NALCN: variants seen among roughly 807,000 people sequenced by gnomAD.
The protein encoded by NALCN is sodium leak channel NALCN.
Under a neutral mutation model 225.3 loss-of-function variants are expected in NALCN, and 111 were observed. The ratio of observed to expected loss-of-function variants is 0.49; its 90% CI spans 0.42 to 0.58. The LOEUF (loss-of-function observed/expected upper bound fraction) is 0.58. Among genes scored for constraint, NALCN ranks in the 20% least tolerant of loss-of-function variants. NALCN has a pLI of 0.00. For synonymous variants in NALCN, 764 were observed against 769.0 expected (o/e 0.99, Z 0.11); for missense variants, 1,378 against 2,202.4 (o/e 0.63, Z 7.49).
chr13:101,367,784 T>C (rs1052241976), intron 6 of NALCN, among the ~76,000 whole-genome samples: 1 of 152,066 alleles, frequency 6.6e-6, no homozygotes, highest in African/African-American at 2.4e-5. Flanking sequence ...TCTTTATATG[T>C]AAAAACAATA....
rs182554466 is a variant in NALCN at position 101,416,052 on chromosome 13, G to A, written c.-40+261C>T. ...ACCCACGCGCAGGAATAGGGAGGGC[G>A]CATCGCGGCTCCCGCGCCCCGGCCA... On this transcript the variant is annotated intron_variant, in intron 1 of 43. Transcript: ENST00000251127. Among the ~76,000 whole-genome samples, 533 of 152,064 alleles carry A rather than the reference G, an allele frequency of 3.5e-3. 3 individuals carry two copies. The highest frequency in any genetic ancestry group is 5.5e-3 in the Non-Finnish European group (375 of 67,932).
chr13:101,280,668 A>AT (rs912851002), intron 10 of NALCN, among the ~76,000 whole-genome samples: 3 of 151,914 alleles, frequency 2.0e-5, no homozygotes, highest in Non-Finnish European at 4.4e-5. Context: ...TTACTTGCAT[A>AT]TTTTTTTCAG....
At chr13:101,410,731 G>A (rs73567914) in intron 1 of NALCN, among the ~76,000 whole-genome samples, 6,951 of 152,190 alleles carry the variant, frequency 0.046, 285 homozygotes, top group East Asian at 0.11. Flanking sequence ...ACTAGAAAAG[G>A]GAATGAAGCA....
At chr13:101,101,959 G>C (rs185561668) in intron 26 of NALCN, among the ~76,000 whole-genome samples, 160 of 152,216 alleles carry the variant, frequency 1.1e-3, no homozygotes, top group African/African-American at 3.6e-3. Context: ...AATTCCAGCT[G>C]TGTGAAGAGT....
intron 9 of NALCN, among the ~76,000 whole-genome samples, chr13:101,286,674 G>A (rs908764411): frequency 6.6e-6 from 1 of 151,968 alleles, no homozygotes; most frequent in Non-Finnish European, 1.5e-5. Flanking sequence ...ACTAGTATAC[G>A]TGGTTTCTGT....
intron 1 of NALCN, among the ~76,000 whole-genome samples, chr13:101,415,747 C>T (rs576679966): frequency 6.6e-6 from 1 of 152,352 alleles, no homozygotes; most frequent in African/African-American, 2.4e-5. Flanking sequence ...TCCACAGGAG[C>T]ATGGGGGTGG....
chr13:101,131,899 CTTG>C (rs1263876245), intron 17 of NALCN, among the ~76,000 whole-genome samples: 2 of 152,000 alleles, frequency 1.3e-5, no homozygotes, highest in Non-Finnish European at 2.9e-5. Flanking sequence ...TTAATTTTTT[CTTG>C]TTGAATTTTA....
At chr13:101,112,191 A>G (rs1292888665) in intron 18 of NALCN, among the ~76,000 whole-genome samples, 2 of 146,504 alleles carry the variant, frequency 1.4e-5, no homozygotes, top group East Asian at 4.1e-4. Flanking sequence ...TTAAAACCAC[A>G]GTTCAAAAAA....
At chr13:101,223,527 A>G (rs1367209297) in intron 13 of NALCN, among the ~76,000 whole-genome samples, 1 of 152,126 alleles carries the variant, frequency 6.6e-6, no homozygotes, top group East Asian at 1.9e-4. Flanking sequence ...CAATCTGATA[A>G]TGGCCCTGAA....
At chr13:101,336,480 T>C (rs1566589850) in intron 7 of NALCN, among the ~76,000 whole-genome samples, 3 of 152,198 alleles carry the variant, frequency 2.0e-5, no homozygotes, top group African/African-American at 7.2e-5. Flanking sequence ...TTTTCTGCAT[T>C]TTCTTGAAAG....
rs550401948 is a variant in NALCN at position 101,296,307 on chromosome 13, G to C, written c.800-3941C>G. 5.9e-5 allele frequency among the ~76,000 whole-genome samples: 9 copies of C among 152,272 alleles called. No individual in the cohort carries two copies. The South Asian group carries it at 1.9e-3, about 32-fold the overall frequency. On this transcript the variant is annotated intron_variant, in intron 7 of 43. Transcript: ENST00000251127. ...AATGATTTTGTAGCCTACAGACATA[G>C]GAAAGCATTTCTCAAATATTTGCTT...
intron 13 of NALCN, among the ~76,000 whole-genome samples, chr13:101,202,358 T>C (rs1427294459): frequency 1.3e-5 from 2 of 152,138 alleles, no homozygotes; most frequent in Non-Finnish European, 2.9e-5. Flanking sequence ...TAAAATCCTA[T>C]GGTAAATAAA....
chr13:101,372,693 A>C (rs2046574325), intron 6 of NALCN, among the ~76,000 whole-genome samples: 1 of 152,162 alleles, frequency 6.6e-6, no homozygotes, highest in South Asian at 2.1e-4. Flanking sequence ...CAGTGCTTAG[A>C]GGCTAAAACA....
At chr13:101,285,894 C>A (rs529834881) in intron 9 of NALCN, among the ~76,000 whole-genome samples, 3 of 152,238 alleles carry the variant, frequency 2.0e-5, no homozygotes, top group African/African-American at 7.2e-5. Flanking sequence ...GTTGATACAT[C>A]CTATACTCTC....
chr13:101,133,504 T>C (rs2036615218), intron 17 of NALCN, among the ~76,000 whole-genome samples: 2 of 152,356 alleles, frequency 1.3e-5, no homozygotes, highest in South Asian at 2.1e-4. Context: ...AGCCACTTTA[T>C]TGAATAAGTC....
intron 13 of NALCN, among the ~76,000 whole-genome samples, chr13:101,210,425 T>A (rs2040480112): frequency 6.6e-6 from 1 of 152,192 alleles, no homozygotes; most frequent in Non-Finnish European, 1.5e-5. Context: ...ATTGGGTGAA[T>A]GGTCTCTGTT....
At chr13:101,205,606 TG>T (rs2040281960) in intron 13 of NALCN, among the ~76,000 whole-genome samples, 1 of 152,152 alleles carries the variant, frequency 6.6e-6, no homozygotes. Context: ...AAATGAGACC[TG>T]GAGATTTATG....
intron 6 of NALCN, among the ~76,000 whole-genome samples, chr13:101,350,805 G>T (rs1366186933): frequency 6.6e-6 from 1 of 152,160 alleles, no homozygotes; most frequent in Non-Finnish European, 1.5e-5. Context: ...GAAAGATTTT[G>T]ACTTCTCTGC....
chr13:101,415,206 C>CATAT lies in NALCN; in HGVS notation c.-40+1106_-40+1107insATAT, dbSNP rs1278371508. Among the ~76,000 whole-genome samples, 46 of 104,810 alleles carry CATAT rather than the reference C, an allele frequency of 4.4e-4. 2 individuals are homozygous for CATAT. Among genetic ancestry groups the CATAT allele is most frequent in the Non-Finnish European group, 6.0e-4 (33 of 55,340 alleles). The allele number at this position is 104,810 out of a possible 152,430, so 68.8% of individuals were successfully genotyped here. A position where few individuals can be genotyped will look rare whatever the true frequency, so the allele number is the denominator to read the frequency against. ...TGTAGTTATGAACATACAAATCACA[C>CATAT]ACATATATATATATATATACATACA... On this transcript the variant is annotated intron_variant, in intron 1 of 43. Transcript: ENST00000251127.
Sources: allele counts gnomAD v4.1 joint callset (sites outside exome capture counted in the v4.1 genomes callset), GRCh38; gene constraint gnomAD v4.1.1; transcripts MANE v1.5; gene names NCBI Gene and HGNC (gene_info 2026-07-23, HGNC 2026-07-21).